The following PIK3AP1 variants were observed in gnomAD, a reference collection of about 807,000 sequenced individuals.
PIK3AP1 encodes the protein phosphoinositide 3-kinase adapter protein 1.
In PIK3AP1, 21 loss-of-function variants were observed where a neutral mutation model predicts 88.1. The observed-to-expected ratio is 0.24, with a 90% CI of 0.17 to 0.34. The LOEUF is 0.34. Ranked by LOEUF, PIK3AP1 falls within the 10% of genes least tolerant of loss-of-function variation. The probability of loss-of-function intolerance (pLI) is 1.00; values close to 1 mark genes in which losing one functional copy is unlikely to be tolerated. For synonymous variants in PIK3AP1, 398 were observed against 400.0 expected (o/e 1.00, Z 0.06); for missense variants, 828 against 1,035.7 (o/e 0.80, Z 2.75).
chr10:96,657,796 G>C (rs149761976), intron 2 of PIK3AP1, among the ~76,000 whole-genome samples: 7 of 152,154 alleles, frequency 4.6e-5, no homozygotes, highest in African/African-American at 1.7e-4. Context: ...AGGGCTGGGC[G>C]TGGTGGCCTA....
intron 12 of PIK3AP1, among the ~76,000 whole-genome samples, chr10:96,617,239 C>T (rs1356075384): frequency 1.3e-5 from 2 of 152,218 alleles, no homozygotes; most frequent in Non-Finnish European, 2.9e-5. Context: ...GAGACCACGT[C>T]GTGTACCTTT....
intron 2 of PIK3AP1, among the ~76,000 whole-genome samples, chr10:96,680,644 C>CT (rs1207756659): frequency 6.6e-6 from 1 of 152,156 alleles, no homozygotes; most frequent in African/African-American, 2.4e-5. Flanking sequence ...TGATCTCATT[C>CT]TTTTTTATGG....
intron 14 of PIK3AP1, among the ~76,000 whole-genome samples, chr10:96,607,561 A>G (rs1001998170): frequency 2.0e-5 from 3 of 152,120 alleles, no homozygotes; most frequent in South Asian, 4.2e-4. Context: ...GCCACACTCT[A>G]GCTTAGCCAT....
intron 2 of PIK3AP1, among the ~76,000 whole-genome samples, chr10:96,671,238 G>A (rs1035244887): frequency 1.3e-5 from 2 of 152,198 alleles, no homozygotes; most frequent in Admixed American, 6.5e-5. Context: ...GAAAATATTT[G>A]TGGGTTCACA....
intron 2 of PIK3AP1, among the ~76,000 whole-genome samples, chr10:96,659,749 T>C (rs953764928): frequency 4.0e-5 from 6 of 151,272 alleles, no homozygotes; most frequent in African/African-American, 1.5e-4. Context: ...TATAAAGTAT[T>C]GAAATTGTCT....
chr10:96,686,689 C>T (rs1844072959), intron 2 of PIK3AP1, among the ~76,000 whole-genome samples: 1 of 152,066 alleles, frequency 6.6e-6, no homozygotes, highest in South Asian at 2.1e-4. Flanking sequence ...CTTTATGCCC[C>T]GACCATCCTC....
At chr10:96,644,998 T>C (rs1375566970) in intron 8 of PIK3AP1, among the ~76,000 whole-genome samples, 1 of 152,206 alleles carries the variant, frequency 6.6e-6, no homozygotes, top group Non-Finnish European at 1.5e-5. Flanking sequence ...CATCTGACTC[T>C]TTTGTCATGA....
chr10:96,710,107 TC>T, intron 1 of PIK3AP1, 124 bp from the exon 2 acceptor site: 1 of 873,962 alleles, frequency 1.1e-6, no homozygotes, highest in Non-Finnish European at 1.7e-6. Context: ...GTGGTGTGCC[TC>T]CAGCACACCA....
At chr10:96,648,054 G>A (rs1843484360) in intron 7 of PIK3AP1, among the ~76,000 whole-genome samples, 1 of 152,208 alleles carries the variant, frequency 6.6e-6, no homozygotes, top group African/African-American at 2.4e-5. Context: ...TGGGACCCAG[G>A]CAGGGGGTTA....
Position 96,595,783 on chromosome 10 carries a change from G to C in PIK3AP1, c.2361-149C>G, listed in dbSNP as rs192326231. 5.5e-4 allele frequency: 415 copies of C among 752,420 alleles called. 3 individuals carry two copies. In the African/African-American group the frequency reaches 6.6e-3, roughly 12 times the overall value. 46.6% of individuals were successfully genotyped at this position (752,420 alleles called of 1,614,324 possible). A position where few individuals can be genotyped will look rare whatever the true frequency, so the allele number is the denominator to read the frequency against. On this transcript the variant is annotated intron_variant, in intron 16 of 16. Transcript: ENST00000339364. ...ACACATATGAATGTATGAGTGACACGCATGCTAGCTGTGGCTTGCAATCCT... is the reference window on the plus strand; with the variant it reads ...ACACATATGAATGTATGAGTGACACCCATGCTAGCTGTGGCTTGCAATCCT...
intron 8 of PIK3AP1, among the ~76,000 whole-genome samples, chr10:96,635,773 T>C (rs1843303423): frequency 6.6e-6 from 1 of 151,182 alleles, no homozygotes; most frequent in African/African-American, 2.4e-5. Flanking sequence ...GGTGTGGTGG[T>C]GGGCGCCTGT....
intron 2 of PIK3AP1, among the ~76,000 whole-genome samples, chr10:96,706,008 C>T (rs1041419075): frequency 6.6e-6 from 1 of 151,200 alleles, no homozygotes; most frequent in African/African-American, 2.4e-5. Flanking sequence ...ATTCTCCTGC[C>T]TCAGCCTCCC....
chr10:96,671,370 T>A (rs1843844130), intron 2 of PIK3AP1, among the ~76,000 whole-genome samples: 1 of 152,180 alleles, frequency 6.6e-6, no homozygotes, highest in African/African-American at 2.4e-5. Context: ...TCACCATGGG[T>A]CTTTCTTCTT....
chr10:96,663,344 G>C (rs1202175537), intron 2 of PIK3AP1, among the ~76,000 whole-genome samples: 1 of 151,884 alleles, frequency 6.6e-6, no homozygotes, highest in African/African-American at 2.4e-5. Context: ...AGAAACCAAT[G>C]GCAGGCTGGG....
At position 96,720,415 on chromosome 10, in the gene PIK3AP1, T is replaced by C; in HGVS notation, c.-21A>G. The C allele has an allele frequency of 8.1e-7, 1 of 1,235,008 alleles. No homozygotes were observed. The highest frequency in any genetic ancestry group is 4.2e-5 in the Admixed American group (1 of 23,534). 76.5% of individuals were successfully genotyped at this position (1,235,008 alleles called of 1,614,324 possible). ...GCCATGCCGCGGGGCGCCGCTCACATCCCTGGCTCGCTGCGTGCCCGGGGC... is the reference window on the plus strand; with the variant it reads ...GCCATGCCGCGGGGCGCCGCTCACACCCCTGGCTCGCTGCGTGCCCGGGGC... On this transcript the variant is annotated 5_prime_UTR_variant, in exon 1 of 17. An upstream start codon of the reference 5' UTR is lost. Transcript: ENST00000339364. This position sits in a 1 kb window ranked among gnomAD's most constrained non-coding sequence, Gnocchi z 4.6.
chr10:96,632,756 A>T, intron 8 of PIK3AP1: 3 of 1,122,574 alleles, frequency 2.7e-6, no homozygotes, highest in Non-Finnish European at 3.8e-6. Flanking sequence ...CAGGATGATT[A>T]GAAGCGTGGG....
intron 8 of PIK3AP1, among the ~76,000 whole-genome samples, chr10:96,631,673 G>C (rs1217393746): frequency 6.6e-6 from 1 of 152,168 alleles, no homozygotes; most frequent in Non-Finnish European, 1.5e-5. Context: ...TGGATTGCTT[G>C]AGGTCAGGAG....
At chr10:96,700,991 G>T in intron 2 of PIK3AP1, 1 of 686,086 alleles carries the variant, frequency 1.5e-6, no homozygotes, top group African/African-American at 2.0e-5. Context: ...GAGCTACCGC[G>T]GGCTCCTGTG....
At chr10:96,599,904 T>C (rs1848855536) in intron 16 of PIK3AP1, among the ~76,000 whole-genome samples, 1 of 152,168 alleles carries the variant, frequency 6.6e-6, no homozygotes, top group South Asian at 2.1e-4. Flanking sequence ...CCACCATCTC[T>C]TTTTACACAT....
Sources: gnomAD v4.1 joint callset for allele counts (sites outside exome capture counted in the v4.1 genomes callset) on GRCh38, gnomAD v4.1.1 for gene constraint, Gnocchi (gnomAD v3.1) non-coding constraint, MANE v1.5 for transcripts, NCBI Gene and HGNC (gene_info 2026-07-23, HGNC 2026-07-21) for gene names.